AGRN: variants seen among roughly 807,000 people sequenced by gnomAD.
AGRN encodes the protein agrin.
Under a neutral mutation model 211.0 loss-of-function variants are expected in AGRN, and 106 were observed. The observed-to-expected ratio is 0.50, with a 90% CI of 0.43 to 0.59. AGRN has a LOEUF of 0.59. AGRN is among the 20% of genes least tolerant of loss of function. The pLI is 0.00. For synonymous variants in AGRN, 1,525 were observed against 1,332.5 expected (o/e 1.14, Z -3.15); for missense variants, 3,040 against 2,982.6 (o/e 1.02, Z -0.45).
At chr1:1,035,726 G>A (rs1012358576) in intron 3 of AGRN, among the ~76,000 whole-genome samples, 1 of 152,158 alleles carries the variant, frequency 6.6e-6, no homozygotes, top group African/African-American at 2.4e-5. Context: ...AAGTGGACAG[G>A]AGCTTGCAGG....
At position 1,051,549 on chromosome 1, in the gene AGRN, G is replaced by A. The variant is rs755865580; in HGVS notation, c.5467G>A (p.Gly1823Ser). 1.3e-6 allele frequency: 2 copies of A among 1,575,310 alleles called. No homozygotes were observed. Among genetic ancestry groups the A allele is most frequent in the Non-Finnish European group, 1.7e-6 (2 of 1,159,788 alleles). The change falls in exon 32 of 36, where the codon GGC (glycine) becomes AGC (serine). Residue 1823 changes from glycine to serine, a missense_variant. By Grantham distance (56) the Gly-to-Ser change is moderately conservative. Coordinates refer to ENST00000379370, the MANE Select transcript of AGRN (RefSeq NM_198576.4). ...FAGHPCTRAS[G>S]HPCLNGASCV... ...AGGTCACCCCTGCACCCGGGCCTCA[G>A]GCCACCCCTGCCTCAATGGGGCCTC...
Position 1,043,313 on chromosome 1 carries a change from G to A in AGRN, c.1459G>A (p.Ala487Thr), listed in dbSNP as rs1167503748. The A allele has an allele frequency of 1.2e-6, 2 of 1,611,070 alleles. No individual in the cohort carries two copies. Among genetic ancestry groups the A allele is most frequent in the East Asian group, 2.2e-5 (1 of 44,716 alleles). Reference sequence around the variant, plus strand: ...GTGTGCTGTGAAGAACGGGCAGGCAGCGTGTGAATGCCTGCAGGCGTGCTC... The same window carrying A: ...GTGTGCTGTGAAGAACGGGCAGGCAACGTGTGAATGCCTGCAGGCGTGCTC... ...ATCAVKNGQA[A>T]CECLQACSSL... is the part of the protein sequence containing the mutation. The change falls in exon 8 of 36, where the codon GCG (alanine) becomes ACG (threonine). Residue 487 changes from alanine to threonine, a missense_variant. Ala to Thr is a moderately conservative substitution (Grantham distance 58). This residue lies in a region of AGRN where 1,498 missense variants were observed against 1,457.8 expected (regional missense o/e 1.03). Transcript: ENST00000379370.
chr1:1,039,338 C>T (rs536916400), intron 3 of AGRN, among the ~76,000 whole-genome samples: 1 of 151,136 alleles, frequency 6.6e-6, no homozygotes, highest in South Asian at 2.1e-4. Context: ...ACAGACAGCG[C>T]CAGAGCCTGG....
At chr1:1,027,150 C>T (rs563350876) in intron 2 of AGRN, among the ~76,000 whole-genome samples, 127 of 152,358 alleles carry the variant, frequency 8.3e-4, no homozygotes, top group African/African-American at 2.9e-3. Context: ...TGCAGTCCCC[C>T]CACGGAGCAG....
Position 1,049,700 on chromosome 1 carries a change from A to C in AGRN, c.4649A>C (p.Asp1550Ala). 1 of 1,575,264 alleles carries C rather than the reference A, an allele frequency of 6.3e-7. No individual in the cohort carries two copies. The highest frequency in any genetic ancestry group is 1.7e-4 in the Middle Eastern group (1 of 6,002). The change falls in exon 26 of 36, where the codon GAC (aspartate) becomes GCC (alanine). Residue 1550 changes from aspartate (D) to alanine (A), a missense_variant. Transcript: ENST00000379370. ...GGCTCTGGCGTGGGCGAGTGCGGGG[A>C]CCACCCCTGCCTGCCCAACCCCTGC... Reference protein sequence around the residue: ...TRGSGVGECGDHPCLPNPCHG... With the variant: ...TRGSGVGECGAHPCLPNPCHG...
chr1:1,052,449 C>T (rs149428037), intron 33 of AGRN: 8 of 279,938 alleles, frequency 2.9e-5, no homozygotes, highest in African/African-American at 4.5e-5. Flanking sequence ...TGTGACTATG[C>T]GGCCGTGTGT....
At position 1,050,487 on chromosome 1, in the gene AGRN, C is replaced by A; in HGVS notation, c.5037C>A (p.Tyr1679Ter). ...GAGGCCCCAGCGGCCTCCTGCTCTA[C>A]AACGGGCAGAAGACGGACGGCAAGG... Reference protein sequence around the residue: ...LARGPSGLLLYNGQKTDGKGD... With the variant: ...LARGPSGLLL The change falls in exon 29 of 36, where the codon TAC becomes TAA. Residue 1679 changes from tyrosine (Y) to a stop codon, truncating the protein, a stop_gained. Transcript: ENST00000379370. LOFTEE classifies it high-confidence loss of function. The A allele has an allele frequency of 6.2e-7, 1 of 1,612,928 alleles. No individual in the cohort carries two copies. Among genetic ancestry groups the A allele is most frequent in the Non-Finnish European group, 8.5e-7 (1 of 1,179,902 alleles).
Position 1,040,914 on chromosome 1 carries a change from A to C in AGRN, c.727+34A>C, listed in dbSNP as rs980998933. On this transcript the variant is annotated intron_variant, in intron 4 of 35. Coordinates refer to ENST00000379370, the MANE Select transcript of AGRN (RefSeq NM_198576.4). ...GGCGGGGCCGGTGCCTGGGGCGGGG[A>C]GGGGCGGGGCCTATGAGATGGAGCG... 3.4e-5 allele frequency: 22 copies of C among 654,500 alleles called. 1 individual carries two copies. Among genetic ancestry groups the C allele is most frequent in the South Asian group, 1.5e-4 (7 of 46,452 alleles). The allele number at this position is 654,500 out of a possible 1,614,324, so 40.5% of individuals were successfully genotyped here.
At chr1:1,054,382 CT>C in intron 34 of AGRN, 65 bp from the exon 35 acceptor site, 1 of 1,393,848 alleles carries the variant, frequency 7.2e-7, no homozygotes, top group Non-Finnish European at 1.0e-6. Context: ...GGATGCAGGG[CT>C]TATGGTCTAG....
In AGRN at chr1:1,045,190, GC is replaced by G. The variant is rs2100652855; in HGVS notation, c.2289del (p.Leu764TyrfsTer99). 1 of 1,612,614 alleles carries G rather than the reference GC, an allele frequency of 6.2e-7. No homozygotes were observed. The highest frequency in any genetic ancestry group is 8.5e-7 in the Non-Finnish European group (1 of 1,179,960). ...GPTFAPLPPV[A>X]PLHCAQTPYG... ...CACCTTCGCCCCGCTGCCGCCTGTG[GC>G]CCCCTTACACTGTGCCCAGACGCCC... On this transcript the variant is annotated frameshift_variant, in exon 13 of 36. Coordinates refer to ENST00000379370, the MANE Select transcript of AGRN (RefSeq NM_198576.4). LOFTEE classifies it high-confidence loss of function.
Position 1,051,535 on chromosome 1 carries a change from G to A in AGRN, c.5453G>A (p.Cys1818Tyr). Residue 1818 changes from cysteine to tyrosine, a missense_variant, in exon 32 of 36, where the codon TGC becomes TAC. Coordinates refer to ENST00000379370, the MANE Select transcript of AGRN (RefSeq NM_198576.4). ...GTCACGTCCTTTGCAGGTCACCCCT[G>A]CACCCGGGCCTCAGGCCACCCCTGC... The part of the protein sequence containing the change: ...VDVTSFAGHP[C>Y]TRASGHPCLN... 6.4e-7 allele frequency: 1 copy of A among 1,566,468 alleles called. No individual in the cohort carries two copies. Among genetic ancestry groups the A allele is most frequent in the Non-Finnish European group, 8.6e-7 (1 of 1,156,278 alleles).
intron 1 of AGRN, among the ~76,000 whole-genome samples, chr1:1,020,739 C>T (rs1035868815): frequency 9.2e-5 from 14 of 152,188 alleles, no homozygotes; most frequent in African/African-American, 2.9e-4. Context: ...GCTTGTTCCC[C>T]TCCCCAGAGG....
rs113849939 is a variant in AGRN, at chr1:1,045,595, C to A, written c.2536+72C>A. 11,973 of 1,603,992 alleles carry A rather than the reference C, an allele frequency of 7.5e-3. 88 individuals are homozygous for A. Among genetic ancestry groups the A allele is most frequent in the African/African-American group, 0.033 (2,445 of 74,912 alleles). On this transcript the variant is annotated intron_variant, in intron 14 of 35. Transcript: ENST00000379370. The stretch of plus-strand genomic sequence containing the variant: ...TGTTCACCCCCATCACTGTGCTTCT[C>A]CTCACCTGCCCAGGCCCTGGCCTGA...
At chr1:1,047,112 G>T in intron 19 of AGRN, 155 bp downstream of exon 19, 1 of 1,392,332 alleles carries the variant, frequency 7.2e-7, no homozygotes, top group Non-Finnish European at 9.6e-7. Flanking sequence ...CGCCTAACCC[G>T]TCTCTCTCGT....
chr1:1,050,736 C>T lies in AGRN; in HGVS notation c.5152C>T (p.Pro1718Ser), dbSNP rs375621931. Residue 1718 changes from proline to serine, a missense_variant, in exon 30 of 36, where the codon CCA becomes TCA. This residue lies in a region of AGRN where 1,537 missense variants were observed against 1,505.0 expected (regional missense o/e 1.02). Transcript: ENST00000379370. Reference protein sequence around the residue: ...KGAAVIRSREPVTLGAWTRVS... With the variant: ...KGAAVIRSRESVTLGAWTRVS... ...GCCCCTCCTCACCAGGAGCAGGGAG[C>T]CAGTCACCCTGGGAGCCTGGACCAG... 6.2e-7 allele frequency: 1 copy of T among 1,602,696 alleles called. No homozygotes were observed.
At position 1,041,630 on chromosome 1, in the gene AGRN, G is replaced by C; in HGVS notation, c.1105G>C (p.Val369Leu). 6.2e-7 allele frequency: 1 copy of C among 1,611,398 alleles called. No individual in the cohort carries two copies. The highest frequency in any genetic ancestry group is 1.1e-5 in the South Asian group (1 of 91,008). The change falls in exon 6 of 36, where the codon GTC (valine) becomes CTC (leucine). Residue 369 changes from valine to leucine, a missense_variant. Around this residue, in one of 3 missense-constraint regions of AGRN, gnomAD observed 1,498 missense variants for 1,457.8 expected, o/e 1.03. Transcript: ENST00000379370. ...CGGAGTCACCTACGAAAACGACTGT[G>C]TCATGGGCCGATCGGGGGCCGCCCG... Reference protein sequence around the residue: ...DDGVTYENDCVMGRSGAARGL... With the variant: ...DDGVTYENDCLMGRSGAARGL...
intron 2 of AGRN, chr1:1,034,254 C>T: frequency 1.8e-5 from 18 of 985,416 alleles, no homozygotes; most frequent in Non-Finnish European, 2.2e-5. Flanking sequence ...GCGGCCAGCC[C>T]GGGGAGGCTG....
intron 2 of AGRN, among the ~76,000 whole-genome samples, chr1:1,030,793 C>T (rs1644652610): frequency 9.6e-6 from 1 of 103,816 alleles, no homozygotes; most frequent in Admixed American, 1.2e-4. Flanking sequence ...GTGTGCAGTG[C>T]ATGGTGCTGT....
Position 1,045,230 on chromosome 1 carries a change from A to C in AGRN, c.2324A>C (p.Gln775Pro). The C allele has an allele frequency of 6.2e-7, 1 of 1,612,464 alleles. No homozygotes were observed. The highest frequency in any genetic ancestry group is 1.1e-5 in the South Asian group (1 of 91,052). Residue 775 changes from glutamine (Q) to proline (P), a missense_variant, in exon 13 of 36, where the codon CAG becomes CCG. By Grantham distance (76) the Gln-to-Pro change is moderately conservative (BLOSUM62 -1). Coordinates refer to ENST00000379370, the MANE Select transcript of AGRN (RefSeq NM_198576.4). ...GCCCAGACGCCCTACGGCTGCTGCCAGGACAATATCACCGCAGCCCGGGGC... is the reference window on the plus strand; with the variant it reads ...GCCCAGACGCCCTACGGCTGCTGCCCGGACAATATCACCGCAGCCCGGGGC... The part of the protein sequence containing the change: ...HCAQTPYGCC[Q>P]DNITAARGVG...
Sources: gnomAD v4.1 joint callset for allele counts (sites outside exome capture counted in the v4.1 genomes callset) on GRCh38, gnomAD v4.1.1 for gene constraint, gnomAD v4.1.1 regional missense constraint, MANE v1.5 for transcripts, NCBI Gene and HGNC (gene_info 2026-07-23, HGNC 2026-07-21) for gene names.